PTPRH: variants seen among roughly 807,000 people sequenced by gnomAD.
The protein encoded by PTPRH is receptor-type tyrosine-protein phosphatase H.
Under a neutral mutation model 130.2 loss-of-function variants are expected in PTPRH, and 113 were observed. That is an observed-to-expected ratio of 0.87 (90% CI 0.75 to 1.01). PTPRH has a LOEUF of 1.01. Among genes scored for constraint, PTPRH ranks in the 50% least tolerant of loss-of-function variants. PTPRH has a pLI of 0.00. For missense variants in PTPRH, 1,430 were observed against 1,425.0 expected (o/e 1.00, Z -0.06); for synonymous variants, 556 against 577.9 (o/e 0.96, Z 0.54).
intron 10 of PTPRH, among the ~76,000 whole-genome samples, chr19:55,192,484 G>C (rs2086572422): frequency 1.3e-5 from 2 of 152,088 alleles, no homozygotes; most frequent in Non-Finnish European, 2.9e-5. Flanking sequence ...TATTGGTAAG[G>C]CTTCCAATCA....
chr19:55,206,605 C>A, intron 3 of PTPRH, 84 bp downstream of exon 3: 14 of 1,344,336 alleles, frequency 1.0e-5, no homozygotes, highest in Non-Finnish European at 1.3e-5. Flanking sequence ...AACTAAAGAA[C>A]CTGTCGCATT....
intron 14 of PTPRH, among the ~76,000 whole-genome samples, chr19:55,187,156 T>A (rs566947378): frequency 2.0e-4 from 30 of 148,834 alleles, no homozygotes; most frequent in Non-Finnish European, 4.5e-4. Flanking sequence ...CCATCCTGGC[T>A]AACACGGTGA....
At chr19:55,205,198 C>T (rs1291655975) in intron 4 of PTPRH, 128 bp downstream of exon 4, 7 of 1,424,386 alleles carry the variant, frequency 4.9e-6, no homozygotes, top group Non-Finnish European at 6.7e-6. Context: ...TGAGACTGCC[C>T]CAGGATGTGG....
Position 55,181,343 on chromosome 19 carries a change from C to T in PTPRH, c.*411G>A, listed in dbSNP as rs531073608. ...AGACCTTGGGCACAGGGACTCCCTC[C>T]GACCCCAGATTATAGAAGACTGATT... On this transcript the variant is annotated 3_prime_UTR_variant, in exon 20 of 20. Coordinates refer to ENST00000376350, the MANE Select transcript of PTPRH (RefSeq NM_002842.5). The T allele has an allele frequency of 8.0e-4, 139 of 173,584 alleles. No individual in the cohort carries two copies. The highest frequency in any genetic ancestry group is 1.2e-3 in the Non-Finnish European group (97 of 80,242). 10.8% of individuals were successfully genotyped at this position (173,584 alleles called of 1,614,324 possible). A position where few individuals can be genotyped will look rare whatever the true frequency, so the allele number is the denominator to read the frequency against.
At position 55,205,406 on chromosome 19, in the gene PTPRH, G is replaced by T; in HGVS notation, c.539C>A (p.Pro180His). 6.2e-7 allele frequency: 1 copy of T among 1,614,172 alleles called. No homozygotes were observed. Among genetic ancestry groups the T allele is most frequent in the Non-Finnish European group, 8.5e-7 (1 of 1,180,044 alleles). The change falls in exon 4 of 20, where the codon CCC becomes CAC. Residue 180 changes from proline (P) to histidine (H), a missense_variant. Pro to His is a moderately conservative substitution (Grantham distance 77). Coordinates refer to ENST00000376350, the MANE Select transcript of PTPRH (RefSeq NM_002842.5). ...HTNITVDGLE[P>H]GCLYAFSMWV... ...CATGGAAAACGCATACAAACACCCGGGTTCAAGTCCATCCACGGTGATGTT... is the reference window on the plus strand; with the variant it reads ...CATGGAAAACGCATACAAACACCCGTGTTCAAGTCCATCCACGGTGATGTT...
chr19:55,192,613 G>T (rs1017806844), intron 10 of PTPRH, among the ~76,000 whole-genome samples: 1 of 150,468 alleles, frequency 6.6e-6, no homozygotes, highest in Non-Finnish European at 1.5e-5. Context: ...GTGCAGTGGT[G>T]CGACCTCGGC....
At chr19:55,183,410 AAAAT>A (rs886542698) in intron 18 of PTPRH, among the ~76,000 whole-genome samples, 1 of 149,470 alleles carries the variant, frequency 6.7e-6, no homozygotes, top group Non-Finnish European at 1.5e-5. Flanking sequence ...GTCCCCCACA[AAAAT>A]AAATAAATAA....
At chr19:55,203,057 G>A (rs188372854) in intron 5 of PTPRH, among the ~76,000 whole-genome samples, 315 of 148,634 alleles carry the variant, frequency 2.1e-3, no homozygotes, top group African/African-American at 7.5e-3. Context: ...GGCTGGGCAC[G>A]GTGGCTCACG....
Position 55,186,406 on chromosome 19 carries a change from C to A in PTPRH, c.2644-47G>T, listed in dbSNP as rs200391066. ...GTCAGGGGGGCCTTTAGTTGATCCC[C>A]GAGCTCTTATCTCTCCAGGCGTGCT... On this transcript the variant is annotated intron_variant, in intron 15 of 19. Transcript: ENST00000376350. The A allele has an allele frequency of 1.9e-6, 3 of 1,612,568 alleles. No homozygotes were observed. In the African/African-American group the frequency reaches 4.0e-5, roughly 22 times the overall value.
intron 18 of PTPRH, 84 bp downstream of exon 18, chr19:55,185,418 G>A (rs1371587778): frequency 2.1e-5 from 31 of 1,475,260 alleles, no homozygotes; most frequent in South Asian, 3.8e-5. Flanking sequence ...TCCCCTGTAC[G>A]TTCCCAGGGT....
At position 55,186,520 on chromosome 19, in the gene PTPRH, G is replaced by C. The variant is rs1294646689; in HGVS notation, c.2587C>G (p.Leu863Val). 2.1e-6 allele frequency: 3 copies of C among 1,446,422 alleles called. No individual in the cohort carries two copies. The highest frequency in any genetic ancestry group is 2.8e-5 in the African/African-American group (1 of 36,130). The allele number at this position is 1,446,422 out of a possible 1,614,324, so 89.6% of individuals were successfully genotyped here. A position where few individuals can be genotyped will look rare whatever the true frequency, so the allele number is the denominator to read the frequency against. Reference sequence around the variant, plus strand: ...CCTGGCTCCTCATGGATGGGCTTCAGGGGCACCCGGGACCAGTCATCTAGG... The same window carrying C: ...CCTGGCTCCTCATGGATGGGCTTCACGGGCACCCGGGACCAGTCATCTAGG... ...VLPYDWSRVPLKPIHEEPGSD... is the reference protein window; with the variant it reads ...VLPYDWSRVPVKPIHEEPGSD... The change falls in exon 15 of 20, where the codon CTG becomes GTG. Residue 863 changes from leucine to valine, a missense_variant. Transcript: ENST00000376350.
chr19:55,186,425 G>T, intron 15 of PTPRH, 39 bp downstream of exon 15: 1 of 1,613,892 alleles, frequency 6.2e-7, no homozygotes, highest in Non-Finnish European at 8.5e-7. Context: ...ATCTCTCCAG[G>T]CGTGCTGGGC....
chr19:55,197,425 T>A lies in PTPRH; in HGVS notation c.1691-9A>T, dbSNP rs2086722733. The A allele has an allele frequency of 1.2e-6, 2 of 1,609,334 alleles. No individual in the cohort carries two copies. The highest frequency in any genetic ancestry group is 3.3e-5 in the Admixed American group (2 of 59,902). ...TGTGACCTCATTGGGAGCTGAGAAG[T>A]GAGAACAGAGGCCTAAGGGGGTATC... On this transcript the variant is annotated splice_polypyrimidine_tract_variant and intron_variant, in intron 8 of 19. Coordinates refer to ENST00000376350, the MANE Select transcript of PTPRH (RefSeq NM_002842.5).
chr19:55,205,579 C>T lies in PTPRH; in HGVS notation c.366G>A (p.Val122=), dbSNP rs75032070. 4.3e-6 allele frequency: 7 copies of T among 1,614,194 alleles called. No individual in the cohort carries two copies. In the African/African-American group the frequency reaches 8.0e-5, roughly 18 times the overall value. Residue 122 remains valine (V), a synonymous_variant, in exon 4 of 20, where the codon GTG becomes GTA. Transcript: ENST00000376350. ...TVTTATAPNP[V]RNLRVEAQTN... ...TCTGAGCCTCCACTCTCAGGTTCCT[C>T]ACTGGGTTGGGAGCTGAAAACCAGC...
At chr19:55,182,197 G>A (rs2086197150) in intron 18 of PTPRH, 46 bp from the exon 19 acceptor site, 1 of 1,592,390 alleles carries the variant, frequency 6.3e-7, no homozygotes, top group Non-Finnish European at 8.6e-7. Context: ...AGGAGTGTGA[G>A]GGTCCGGGGT....
At chr19:55,191,766 C>T (rs375585502) in intron 10 of PTPRH, 25 bp from the exon 11 acceptor site, 14 of 1,591,106 alleles carry the variant, frequency 8.8e-6, no homozygotes, top group Non-Finnish European at 1.1e-5. Flanking sequence ...CATCGGGAAC[C>T]CTCAGAGCGC....
rs1270497268 is a variant in PTPRH at position 55,200,891 on chromosome 19, C to T, written c.1154-389G>A. Among the ~76,000 whole-genome samples the T allele has an allele frequency of 2.6e-5, 4 of 151,316 alleles. No homozygotes were observed. In the East Asian group the frequency reaches 5.8e-4, roughly 22 times the overall value. ...CCGGGAGGCGGAGCTTGCAGTGAGC[C>T]GAGATCGCGCCACTGCACTCCAGCC... On this transcript the variant is annotated intron_variant, in intron 6 of 19. Transcript: ENST00000376350.
In PTPRH at chr19:55,209,391, C is replaced by G; in HGVS notation, c.43G>C (p.Val15Leu). 6.4e-7 allele frequency: 1 copy of G among 1,561,874 alleles called. No homozygotes were observed. The highest frequency in any genetic ancestry group is 8.7e-7 in the Non-Finnish European group (1 of 1,152,588). ...GGGCGGGGAGCACTTACCAGCAGCA[C>G]CAGGTTCCCCCAGACCCCGAGGCCC... ...GGGLGVWGNL[V>L]LLGLCSWTGA... Residue 15 changes from valine (V) to leucine (L), a missense_variant, in exon 1 of 20, where the codon GTG (valine) becomes CTG (leucine). Transcript: ENST00000376350. The surrounding 1 kb of genome is among the most constrained non-coding windows in gnomAD (Gnocchi z 4.1).
chr19:55,196,843 C>T, intron 9 of PTPRH, 55 bp from the exon 10 acceptor site: 1 of 1,572,410 alleles, frequency 6.4e-7, no homozygotes, highest in South Asian at 1.2e-5. Context: ...TTTCCACCCC[C>T]TCCACCCCTA....
Sources: allele counts gnomAD v4.1 joint callset (sites outside exome capture counted in the v4.1 genomes callset), GRCh38; gene constraint gnomAD v4.1.1; non-coding constraint Gnocchi (gnomAD v3.1); transcripts MANE v1.5; gene names NCBI Gene and HGNC (gene_info 2026-07-23, HGNC 2026-07-21).